The following NCOR2 variants were observed in gnomAD, a reference collection of about 807,000 sequenced individuals.
NCOR2 encodes the protein nuclear receptor corepressor 2.
NCOR2 carries 81 observed loss-of-function variants against 262.9 expected under a neutral mutation model. The observed-to-expected ratio is 0.31, with a 90% CI of 0.26 to 0.37. The LOEUF (loss-of-function observed/expected upper bound fraction) is 0.37. NCOR2 is among the 10% of genes least tolerant of loss of function. The pLI is 1.00. For missense variants in NCOR2, 3,385 were observed against 3,621.4 expected (o/e 0.93, Z 1.68); for synonymous variants, 1,659 against 1,559.3 (o/e 1.06, Z -1.51).
intron 22 of NCOR2, among the ~76,000 whole-genome samples, chr12:124,357,100 G>C (rs1269714045): frequency 6.6e-6 from 1 of 152,256 alleles, no homozygotes; most frequent in Non-Finnish European, 1.5e-5. Flanking sequence ...AAGGTCCCTG[G>C]ACAGGCCTCT....
Position 124,457,297 on chromosome 12 carries a change from GC to G in NCOR2, c.706-136del. 2 of 972,780 alleles carry G rather than the reference GC, an allele frequency of 2.1e-6. No homozygotes were observed. Among genetic ancestry groups the G allele is most frequent in the Non-Finnish European group, 2.9e-6 (2 of 685,144 alleles). 60.3% of individuals were successfully genotyped at this position (972,780 alleles called of 1,614,324 possible). A position where few individuals can be genotyped will look rare whatever the true frequency, so the allele number is the denominator to read the frequency against. ...CTGATCCTCAGCACGGGGGAGGGAG[GC>G]CCGGGGCCCCCTGCAGGCCCTCCCC... On this transcript the variant is annotated intron_variant, in intron 5 of 46. Coordinates refer to ENST00000405201, the Ensembl canonical transcript of NCOR2. The surrounding 1 kb of genome is among the most constrained non-coding windows in gnomAD (Gnocchi z 4.0).
In NCOR2 at chr12:124,509,234, G is replaced by GT. The variant is rs1491061954; in HGVS notation, c.-117-13867dup. Among the ~76,000 whole-genome samples the GT allele has an allele frequency of 4.0e-4, 30 of 75,604 alleles. 3 individuals carry two copies. Among genetic ancestry groups the GT allele is most frequent in the African/African-American group, 7.8e-4 (24 of 30,878 alleles). 49.6% of individuals were successfully genotyped at this position (75,604 alleles called of 152,430 possible). ...TCCAGCCAAAGTGGCACTGGCTTTG[G>GT]TGGGGGGGGGGGGGGCTTAACTCTG... is the stretch of plus-strand genomic sequence containing the variant. On this transcript the variant is annotated intron_variant, in intron 1 of 46. Coordinates refer to the NCOR2 transcript ENST00000404621.
At chr12:124,442,268 T>A (rs1279633131) in intron 7 of NCOR2, among the ~76,000 whole-genome samples, 1 of 152,176 alleles carries the variant, frequency 6.6e-6, no homozygotes, top group South Asian at 2.1e-4. Context: ...CTCAGCCTCC[T>A]GAGTAGCTGG....
rs542253516 is a variant in NCOR2, at chr12:124,517,320, G to C, written c.-118+18245C>G. On this transcript the variant is annotated intron_variant, in intron 1 of 46. Coordinates refer to the NCOR2 transcript ENST00000404621. This position sits in a 1 kb window ranked among gnomAD's most constrained non-coding sequence, Gnocchi z 7.6. The stretch of plus-strand genomic sequence containing the variant: ...ATTCCCGCCACCTCCCTATGGCCGC[G>C]GCGCACCCAGACCTCAGGACAAATC... 3.1e-3 allele frequency among the ~76,000 whole-genome samples: 479 copies of C among 152,228 alleles called. 1 individual carries two copies. Among genetic ancestry groups the C allele is most frequent in the Non-Finnish European group, 5.8e-3 (393 of 67,994 alleles).
chr12:124,508,504 G>A (rs780870429), intron 1 of NCOR2, among the ~76,000 whole-genome samples: 3 of 152,168 alleles, frequency 2.0e-5, no homozygotes, highest in Non-Finnish European at 2.9e-5. Flanking sequence ...AGACCCTGCC[G>A]GAACACAAGG....
At chr12:124,490,423 T>C (rs961745390) in intron 1 of NCOR2, among the ~76,000 whole-genome samples, 1 of 151,222 alleles carries the variant, frequency 6.6e-6, no homozygotes, top group Non-Finnish European at 1.5e-5. Flanking sequence ...GATGGATGGA[T>C]GGATGGATGG....
intron 4 of NCOR2, among the ~76,000 whole-genome samples, chr12:124,470,352 G>T (rs1447070995): frequency 6.6e-6 from 1 of 152,070 alleles, no homozygotes; most frequent in African/African-American, 2.4e-5. Flanking sequence ...TCTGCTCCTA[G>T]GTATACACCC....
intron 6 of NCOR2, among the ~76,000 whole-genome samples, chr12:124,455,754 A>G (rs1367080519): frequency 6.6e-6 from 1 of 152,232 alleles, no homozygotes; most frequent in African/African-American, 2.4e-5. Context: ...GAGGCCCTAG[A>G]GCCTCCGCCT....
chr12:124,357,604 T>C (rs1439035222), intron 22 of NCOR2, among the ~76,000 whole-genome samples: 6 of 152,280 alleles, frequency 3.9e-5, no homozygotes, highest in Non-Finnish European at 7.3e-5. Flanking sequence ...CCCCGCCGTC[T>C]GACTTTGTGA....
At chr12:124,453,793 C>A (rs1319242508) in intron 6 of NCOR2, among the ~76,000 whole-genome samples, 1 of 152,266 alleles carries the variant, frequency 6.6e-6, no homozygotes, top group Non-Finnish European at 1.5e-5. Flanking sequence ...CCGCTCCCAG[C>A]CTGGTCCAGT....
intron 37 of NCOR2, 198 bp from the exon 40 acceptor site, chr12:124,337,378 G>A: frequency 1.3e-6 from 1 of 741,798 alleles, no homozygotes; most frequent in Non-Finnish European, 2.4e-6. Context: ...TTCATTCCTT[G>A]CATCATTCCA....
At position 124,354,216 on chromosome 12, in the gene NCOR2, G is replaced by T. The variant is rs1309690418; in HGVS notation, c.3590-20C>A. On this transcript the variant is annotated intron_variant, in intron 26 of 46. Transcript: ENST00000405201. The stretch of plus-strand genomic sequence containing the variant: ...CTGTCCCTGGAAGACACAAGATGTG[G>T]GGCTGAGGGCGTGTCTGTGGCCCTT... 1.3e-6 allele frequency: 2 copies of T among 1,569,618 alleles called. No homozygotes were observed. The highest frequency in any genetic ancestry group is 2.3e-5 in the South Asian group (2 of 86,694).
intron 1 of NCOR2, among the ~76,000 whole-genome samples, chr12:124,533,054 A>G (rs11057661): frequency 2.0e-5 from 1 of 50,650 alleles, no homozygotes; most frequent in Non-Finnish European, 3.5e-5. Context: ...CTCCTCCCCC[A>G]CCCCAGTCCC....
At chr12:124,325,075 G>A in exon 47 of NCOR2, 1 of 232,186 alleles carries the variant, frequency 4.3e-6, no homozygotes, top group East Asian at 7.9e-5. Context: ...TGGTCATCCT[G>A]CTTTGGGTCC....
chr12:124,479,175 T>C (rs1397783604), intron 3 of NCOR2, among the ~76,000 whole-genome samples: 1 of 152,254 alleles, frequency 6.6e-6, no homozygotes, highest in Admixed American at 6.5e-5. Context: ...CACTCAGGGG[T>C]TGGTCACCCT....
chr12:124,538,500 G>A, upstream of NCOR2: 1 of 153,172 alleles, frequency 6.5e-6, no homozygotes, highest in Non-Finnish European at 1.5e-5. Flanking sequence ...GCTGGAGGCA[G>A]CAGGGGCGGG....
rs368885202 is a variant in NCOR2 at position 124,357,960 on chromosome 12, T to C, written c.3101-1178A>G. ...GTGTGTGAGTGCATGGATGTGTGTG[T>C]GCACCTGTACACAATGTTGAAGGAG... is the stretch of plus-strand genomic sequence containing the variant. On this transcript the variant is annotated intron_variant, in intron 22 of 46. Coordinates refer to ENST00000405201, the Ensembl canonical transcript of NCOR2. 4.6e-5 allele frequency among the ~76,000 whole-genome samples: 7 copies of C among 151,116 alleles called. No individual in the cohort carries two copies. In the East Asian group the frequency reaches 1.2e-3, roughly 26 times the overall value.
At chr12:124,475,266 C>CCCACAGG (rs1565977605) in intron 3 of NCOR2, among the ~76,000 whole-genome samples, 1 of 152,168 alleles carries the variant, frequency 6.6e-6, no homozygotes, top group Admixed American at 6.5e-5. Flanking sequence ...CAGGCCACCT[C>CCCACAGG]CCCCAGGGAC....
At chr12:124,363,410 G>A (rs532362466) in intron 21 of NCOR2, among the ~76,000 whole-genome samples, 7 of 152,324 alleles carry the variant, frequency 4.6e-5, no homozygotes, top group African/African-American at 7.2e-5. Context: ...CCATGACCCA[G>A]TATCTAATCT....
Sources: gnomAD v4.1 joint callset for allele counts (sites outside exome capture counted in the v4.1 genomes callset) on GRCh38, gnomAD v4.1.1 for gene constraint, Gnocchi (gnomAD v3.1) non-coding constraint, MANE v1.5 for transcripts, NCBI Gene and HGNC (gene_info 2026-07-23, HGNC 2026-07-21) for gene names.